ARHGAP24: variants seen among roughly 807,000 people sequenced by gnomAD.
ARHGAP24 encodes rho GTPase-activating protein 24.
Under a neutral mutation model 76.4 loss-of-function variants are expected in ARHGAP24, and 50 were observed. That is an observed-to-expected ratio of 0.65 (90% CI 0.52 to 0.83). The LOEUF (loss-of-function observed/expected upper bound fraction) is 0.83. ARHGAP24 is among the 40% of genes least tolerant of loss of function. The pLI is 0.00. For synonymous variants in ARHGAP24, 345 were observed against 323.3 expected (o/e 1.07, Z -0.72); for missense variants, 930 against 914.2 (o/e 1.02, Z -0.22).
chr4:85,800,486 A>G lies in ARHGAP24; in HGVS notation c.268+78514A>G, dbSNP rs374490111. 1.2e-4 allele frequency among the ~76,000 whole-genome samples: 18 copies of G among 152,122 alleles called. No individual in the cohort carries two copies. In the East Asian group the frequency reaches 2.1e-3, roughly 18 times the overall value. ...AAACCATTGCTGGACATAAGGTAGG[A>G]ATTAAGAAGAAGAACAGGAGGAGGA... On this transcript the variant is annotated intron_variant, in intron 3 of 9. Coordinates refer to ENST00000395184, the MANE Select transcript of ARHGAP24 (RefSeq NM_001025616.3).
intron 3 of ARHGAP24, among the ~76,000 whole-genome samples, chr4:85,765,178 A>T (rs1415368776): frequency 6.6e-6 from 1 of 152,180 alleles, no homozygotes; most frequent in East Asian, 1.9e-4. Flanking sequence ...CTACAAAAAA[A>T]GGTGTGTTTT....
At chr4:85,512,235 T>A (rs1483813097) in intron 1 of ARHGAP24, among the ~76,000 whole-genome samples, 1 of 152,242 alleles carries the variant, frequency 6.6e-6, no homozygotes, top group Non-Finnish European at 1.5e-5. Context: ...GAGCCTCAAC[T>A]GTAACGTAGG....
intron 3 of ARHGAP24, among the ~76,000 whole-genome samples, chr4:85,913,883 C>T (rs963265679): frequency 1.3e-5 from 2 of 152,122 alleles, no homozygotes; most frequent in Admixed American, 6.6e-5. Context: ...TGGATTTGAA[C>T]ATTTTAATCC....
chr4:85,495,859 G>T lies in ARHGAP24; in HGVS notation c.-21+20300G>T, dbSNP rs1489983812. Reference sequence around the variant, plus strand: ...CTGTCTCTCCTTAGCTGTAATTTATGACTGTCAGCATTATTTCTCTTGGAT... The same window carrying T: ...CTGTCTCTCCTTAGCTGTAATTTATTACTGTCAGCATTATTTCTCTTGGAT... On this transcript the variant is annotated intron_variant, in intron 1 of 9. Transcript: ENST00000395184. Among the ~76,000 whole-genome samples, 6 of 152,150 alleles carry T rather than the reference G, an allele frequency of 3.9e-5. No individual in the cohort carries two copies. The East Asian group carries it at 1.2e-3, about 29-fold the overall frequency.
At chr4:85,936,750 A>T (rs1430675957) in intron 4 of ARHGAP24, among the ~76,000 whole-genome samples, 1 of 152,174 alleles carries the variant, frequency 6.6e-6, no homozygotes, top group African/African-American at 2.4e-5. Flanking sequence ...GTCAGTAAAG[A>T]CTTCACAGAA....
intron 3 of ARHGAP24, among the ~76,000 whole-genome samples, chr4:85,919,022 T>C (rs963989895): frequency 6.6e-6 from 1 of 152,192 alleles, no homozygotes; most frequent in African/African-American, 2.4e-5. Context: ...AAGTAGAATG[T>C]GTACTTGTTC....
At chr4:85,959,441 A>G (rs1418192930) in intron 5 of ARHGAP24, among the ~76,000 whole-genome samples, 3 of 152,134 alleles carry the variant, frequency 2.0e-5, no homozygotes, top group Non-Finnish European at 4.4e-5. Flanking sequence ...CAGTCCAGTA[A>G]CTTGCAGCCT....
intron 3 of ARHGAP24, among the ~76,000 whole-genome samples, chr4:85,789,688 A>G (rs1361000314): frequency 6.6e-6 from 1 of 152,190 alleles, no homozygotes; most frequent in Non-Finnish European, 1.5e-5. Flanking sequence ...TTCGTGGTAA[A>G]CTGCCAGAAG....
intron 1 of ARHGAP24, among the ~76,000 whole-genome samples, chr4:85,512,350 G>A (rs1443993798): frequency 1.3e-5 from 2 of 152,180 alleles, no homozygotes; most frequent in African/African-American, 4.8e-5. Context: ...CATTTGTTTA[G>A]TCACTATTAT....
intron 3 of ARHGAP24, among the ~76,000 whole-genome samples, chr4:85,772,226 G>A (rs1727158142): frequency 6.6e-6 from 1 of 152,102 alleles, no homozygotes; most frequent in South Asian, 2.1e-4. Context: ...CCACTTCATA[G>A]GTAGGGTGAC....
intron 3 of ARHGAP24, among the ~76,000 whole-genome samples, chr4:85,893,865 C>T (rs571052829): frequency 9.3e-4 from 134 of 143,568 alleles, no homozygotes; most frequent in Non-Finnish European, 1.4e-3. Context: ...AACCAAACAC[C>T]GCATATTCTC....
intron 3 of ARHGAP24, among the ~76,000 whole-genome samples, chr4:85,739,150 G>A (rs1007811431): frequency 2.0e-5 from 3 of 152,170 alleles, no homozygotes; most frequent in Non-Finnish European, 4.4e-5. Flanking sequence ...AGGCCAGGAG[G>A]ACTGCTTGGG....
chr4:85,629,206 CA>C (rs1233300874), intron 2 of ARHGAP24, among the ~76,000 whole-genome samples: 2 of 152,156 alleles, frequency 1.3e-5, no homozygotes, highest in African/African-American at 2.4e-5. Context: ...TAGCTTATAA[CA>C]AGGGAACTTC....
chr4:85,800,307 G>A (rs907748807), intron 3 of ARHGAP24, among the ~76,000 whole-genome samples: 4 of 152,056 alleles, frequency 2.6e-5, no homozygotes, highest in African/African-American at 7.2e-5. Context: ...ACAATGAATC[G>A]GGCTTGAGAA....
At chr4:85,856,652 G>A (rs1353708680) in intron 3 of ARHGAP24, among the ~76,000 whole-genome samples, 2 of 151,910 alleles carry the variant, frequency 1.3e-5, no homozygotes, top group African/African-American at 4.8e-5. Context: ...TGTATTTTTA[G>A]TAGAGATAGA....
chr4:85,482,489 C>T (rs1223839319), intron 1 of ARHGAP24, among the ~76,000 whole-genome samples: 1 of 151,194 alleles, frequency 6.6e-6, no homozygotes, highest in African/African-American at 2.5e-5. Flanking sequence ...TCATGAGGAG[C>T]TCTGAGAACC....
intron 3 of ARHGAP24, among the ~76,000 whole-genome samples, chr4:85,839,899 G>GAGTGC (rs1730503251): frequency 7.3e-6 from 1 of 136,476 alleles, no homozygotes; most frequent in Non-Finnish European, 1.5e-5. Context: ...ACCCAGGCTG[G>GAGTGC]AGTGCAGTGG....
At chr4:85,991,853 C>A (rs1740349299) in intron 8 of ARHGAP24, 2 of 298,586 alleles carry the variant, frequency 6.7e-6, no homozygotes, top group Non-Finnish European at 1.2e-5. Flanking sequence ...TTATTCATTG[C>A]AAAAAATACA....
In ARHGAP24 at chr4:85,629,357, C is replaced by A. The variant is rs542725676; in HGVS notation, c.180+58636C>A. 1.4e-4 allele frequency among the ~76,000 whole-genome samples: 21 copies of A among 152,228 alleles called. No individual in the cohort carries two copies. The East Asian group carries it at 2.9e-3, about 21-fold the overall frequency. On this transcript the variant is annotated intron_variant, in intron 2 of 9. Coordinates refer to ENST00000395184, the MANE Select transcript of ARHGAP24 (RefSeq NM_001025616.3). ...TATACTTAATACTTTTGACTTTTAA[C>A]ATTTACACTAAAATCAAGTTATTTA...
Sources: gnomAD v4.1 joint callset for allele counts (sites outside exome capture counted in the v4.1 genomes callset) on GRCh38, gnomAD v4.1.1 for gene constraint, MANE v1.5 for transcripts, NCBI Gene and HGNC (gene_info 2026-07-23, HGNC 2026-07-21) for gene names.